Variants in HPSE2 observed in about 807,000 individuals in gnomAD.
HPSE2 encodes the protein heparanase 2 (inactive).
HPSE2 carries 38 observed loss-of-function variants against 60.5 expected under a neutral mutation model. The observed-to-expected ratio is 0.63, with a 90% CI of 0.48 to 0.82. The LOEUF is 0.82. HPSE2 is among the 40% of genes least tolerant of loss of function. The pLI is 0.00. For synonymous variants in HPSE2, 295 were observed against 293.2 expected, an observed-to-expected ratio of 1.01 and a Z score of -0.06; for missense variants, 713 against 740.4, an observed-to-expected ratio of 0.96 and a Z score of 0.43.
At chr10:98,684,252 T>C (rs1251595992) in intron 6 of HPSE2, among the ~76,000 whole-genome samples, 1 of 152,064 alleles carries the variant, frequency 6.6e-6, no homozygotes, top group Non-Finnish European at 1.5e-5. Context: ...AATCAACCCG[T>C]CCAGATGGGA....
intron 2 of HPSE2, among the ~76,000 whole-genome samples, chr10:99,164,325 T>G (rs1023357434): frequency 7.0e-6 from 1 of 142,482 alleles, no homozygotes; most frequent in Admixed American, 7.3e-5. Flanking sequence ...TTCTTTATTT[T>G]GTTGGACAAA....
At chr10:99,151,908 C>G (rs550433189) in intron 2 of HPSE2, among the ~76,000 whole-genome samples, 18 of 151,546 alleles carry the variant, frequency 1.2e-4, no homozygotes, top group Admixed American at 3.3e-4. Flanking sequence ...AGAGCTAGAC[C>G]CTATCTCATA....
At chr10:98,818,139 A>G (rs1033475043) in intron 3 of HPSE2, among the ~76,000 whole-genome samples, 3 of 152,168 alleles carry the variant, frequency 2.0e-5, no homozygotes, top group African/African-American at 7.2e-5. Context: ...ATGTACTTCA[A>G]ATCTGTGTTA....
chr10:98,956,857 G>T (rs960391267), intron 3 of HPSE2, among the ~76,000 whole-genome samples: 3 of 152,118 alleles, frequency 2.0e-5, no homozygotes, highest in African/African-American at 7.2e-5. Flanking sequence ...ACGATGAAAA[G>T]GTAGCCATGA....
At chr10:99,135,058 G>A (rs1023158244) in intron 3 of HPSE2, among the ~76,000 whole-genome samples, 2 of 152,062 alleles carry the variant, frequency 1.3e-5, no homozygotes, top group African/African-American at 4.8e-5. Flanking sequence ...AAAAACAGGA[G>A]TTGCGATCTT....
intron 3 of HPSE2, among the ~76,000 whole-genome samples, chr10:98,968,062 T>C (rs1403622860): frequency 6.6e-6 from 1 of 152,172 alleles, no homozygotes; most frequent in Admixed American, 6.5e-5. Context: ...CCCCACTATG[T>C]AATTCAAAAT....
rs1330134102 is a variant in HPSE2 at position 98,458,364 on chromosome 10, T to C, written c.*1210A>G. 6.6e-6 allele frequency: 1 copy of C among 152,194 alleles called. No homozygotes were observed. The highest frequency in any genetic ancestry group is 2.4e-5 in the African/African-American group (1 of 41,446). 9.4% of individuals were successfully genotyped at this position (152,194 alleles called of 1,614,324 possible). On this transcript the variant is annotated 3_prime_UTR_variant, in exon 12 of 12. Transcript: ENST00000370552. ...AAAGACCCTCATGCCCCTTGAATCA[T>C]ATAGAACGTCCTCATCCCCCACTTC...
intron 3 of HPSE2, among the ~76,000 whole-genome samples, chr10:98,952,436 C>T (rs948031218): frequency 6.6e-6 from 1 of 151,442 alleles, no homozygotes; most frequent in Non-Finnish European, 1.5e-5. Flanking sequence ...GCAAAAATGT[C>T]ATTTTAAAAC....
intron 9 of HPSE2, among the ~76,000 whole-genome samples, chr10:98,588,253 G>A (rs77291900): frequency 0.056 from 8,506 of 152,226 alleles, 286 homozygotes; most frequent in Middle Eastern, 0.13. Context: ...TATGATGTAG[G>A]GAAAGTTTGG....
At chr10:98,868,480 A>G (rs1380900515) in intron 3 of HPSE2, among the ~76,000 whole-genome samples, 1 of 152,110 alleles carries the variant, frequency 6.6e-6, no homozygotes, top group Non-Finnish European at 1.5e-5. Flanking sequence ...TAAATCATAC[A>G]TTTAAAAATA....
At chr10:98,588,210 T>A (rs1056268906) in intron 9 of HPSE2, among the ~76,000 whole-genome samples, 3 of 152,310 alleles carry the variant, frequency 2.0e-5, no homozygotes, top group Non-Finnish European at 4.4e-5. Flanking sequence ...TCTGACATAA[T>A]ATTTCACTAG....
intron 11 of HPSE2, among the ~76,000 whole-genome samples, chr10:98,478,909 G>C (rs1472563175): frequency 2.0e-5 from 3 of 152,152 alleles, no homozygotes; most frequent in African/African-American, 7.2e-5. Context: ...AAGGAGTTGG[G>C]ACTGGAGTAG....
At chr10:98,697,275 G>A (rs1407150932) in intron 5 of HPSE2, among the ~76,000 whole-genome samples, 2 of 152,182 alleles carry the variant, frequency 1.3e-5, no homozygotes, top group Non-Finnish European at 2.9e-5. Flanking sequence ...GGGTACAGGA[G>A]CTGCTAACTA....
chr10:98,548,786 C>T (rs999389858), intron 9 of HPSE2, among the ~76,000 whole-genome samples: 3 of 152,156 alleles, frequency 2.0e-5, no homozygotes, highest in Non-Finnish European at 4.4e-5. Flanking sequence ...CCAAGTACTT[C>T]AGCATCTGGC....
At chr10:98,667,158 C>T (rs1398267190) in intron 6 of HPSE2, among the ~76,000 whole-genome samples, 2 of 152,138 alleles carry the variant, frequency 1.3e-5, no homozygotes, top group Admixed American at 6.5e-5. Flanking sequence ...CCTCTATGTA[C>T]ACAAAGTAGA....
chr10:98,513,235 T>C (rs931538457), intron 9 of HPSE2, among the ~76,000 whole-genome samples: 4 of 152,212 alleles, frequency 2.6e-5, no homozygotes, highest in Non-Finnish European at 5.9e-5. Context: ...GTCTTATCTA[T>C]GGCTGGACTT....
In HPSE2 at chr10:98,722,883, T is replaced by C. The variant is rs990265582; in HGVS notation, c.785-1055A>G. ...ATTTTGGGCTGAGACGATGGGGTTT[T>C]CTAGATAGACATCATGTCATCTGCA... is the stretch of plus-strand genomic sequence containing the variant. On this transcript the variant is annotated intron_variant, in intron 4 of 11. Coordinates refer to ENST00000370552, the MANE Select transcript of HPSE2 (RefSeq NM_021828.5). Among the ~76,000 whole-genome samples the C allele has an allele frequency of 2.8e-4, 43 of 152,174 alleles. 1 individual carries two copies. The highest frequency in any genetic ancestry group is 2.1e-3 in the Admixed American group (32 of 15,276).
At chr10:99,080,376 G>C (rs144700378) in intron 3 of HPSE2, among the ~76,000 whole-genome samples, 104 of 152,186 alleles carry the variant, frequency 6.8e-4, no homozygotes, top group African/African-American at 2.3e-3. Flanking sequence ...CAAGGCTATG[G>C]CATGTGGGGG....
chr10:98,804,967 C>T (rs1356576889), intron 3 of HPSE2, among the ~76,000 whole-genome samples: 2 of 152,122 alleles, frequency 1.3e-5, no homozygotes, highest in African/African-American at 4.8e-5. Context: ...GAATCAGATC[C>T]TGTCATTTGC....
Sources: gnomAD v4.1 joint callset for allele counts (sites outside exome capture counted in the v4.1 genomes callset) on GRCh38, gnomAD v4.1.1 for gene constraint, MANE v1.5 for transcripts, NCBI Gene and HGNC (gene_info 2026-07-23, HGNC 2026-07-21) for gene names.